PCDHA5: variants seen among roughly 807,000 people sequenced by gnomAD.
The protein encoded by PCDHA5 is protocadherin alpha 5.
PCDHA5 carries 43 observed loss-of-function variants against 61.6 expected under a neutral mutation model. The ratio of observed to expected loss-of-function variants is 0.70; its 90% CI spans 0.55 to 0.90. PCDHA5 has a LOEUF of 0.90. PCDHA5 is among the 40% of genes least tolerant of loss of function. The pLI, the probability that PCDHA5 is intolerant of heterozygous loss-of-function variation, is 0.00. For missense variants in PCDHA5, 1,298 were observed against 1,222.7 expected (o/e 1.06, Z -0.92); for synonymous variants, 627 against 543.9 (o/e 1.15, Z -2.13).
At chr5:140,883,913 G>T (rs782585121) in intron 1 of PCDHA5, 1 of 1,613,478 alleles carries the variant, frequency 6.2e-7, no homozygotes, top group South Asian at 1.1e-5. Context: ...GGGCAGCAAC[G>T]TGACGCTGCA....
At chr5:140,987,749 GT>G (rs1554249497) in intron 3 of PCDHA5, among the ~76,000 whole-genome samples, 1 of 152,142 alleles carries the variant, frequency 6.6e-6, no homozygotes, top group African/African-American at 2.4e-5. Context: ...GACCCAGGTT[GT>G]TCTGAGTATT....
At chr5:140,921,071 T>C (rs2080004942) in intron 1 of PCDHA5, among the ~76,000 whole-genome samples, 1 of 152,054 alleles carries the variant, frequency 6.6e-6, no homozygotes, top group Admixed American at 6.6e-5. Flanking sequence ...CCTTGAACTC[T>C]TGGGCTCAAG....
intron 3 of PCDHA5, among the ~76,000 whole-genome samples, chr5:140,985,179 C>T (rs1056430017): frequency 5.9e-5 from 9 of 152,132 alleles, no homozygotes; most frequent in African/African-American, 1.9e-4. Flanking sequence ...CCTCGTAATC[C>T]GCCTGCCTCG....
At chr5:140,996,926 T>C (rs569386997) in intron 3 of PCDHA5, among the ~76,000 whole-genome samples, 4 of 152,320 alleles carry the variant, frequency 2.6e-5, no homozygotes, top group Middle Eastern at 3.4e-3. Flanking sequence ...TTAAAAAATA[T>C]AGCATTTTTG....
chr5:140,890,543 CTGAG>C (rs1391853747), intron 1 of PCDHA5, among the ~76,000 whole-genome samples: 1 of 152,012 alleles, frequency 6.6e-6, no homozygotes, highest in African/African-American at 2.4e-5. Context: ...TTTGAAATGA[CTGAG>C]TACTTTTTAT....
At chr5:140,887,072 C>T (rs1270434147) in intron 1 of PCDHA5, among the ~76,000 whole-genome samples, 1 of 151,836 alleles carries the variant, frequency 6.6e-6, no homozygotes, top group African/African-American at 2.4e-5. Context: ...CAAATTCACT[C>T]AGCTTTTGTC....
chr5:140,864,928 T>C (rs2048657742), intron 1 of PCDHA5: 1 of 152,144 alleles, frequency 6.6e-6, no homozygotes, highest in Non-Finnish European at 1.5e-5. Flanking sequence ...CTTGGCAGGG[T>C]GTCTCAGGCC....
chr5:140,832,440 C>T (rs1771990436), intron 1 of PCDHA5, among the ~76,000 whole-genome samples: 1 of 152,038 alleles, frequency 6.6e-6, no homozygotes, highest in Non-Finnish European at 1.5e-5. Context: ...AATTTTTAAG[C>T]GTGTAATTAA....
intron 1 of PCDHA5, chr5:140,829,550 A>G: frequency 1.2e-6 from 2 of 1,612,876 alleles, no homozygotes; most frequent in African/African-American, 1.3e-5. Flanking sequence ...CGCGCAGGAG[A>G]ACGCGCTGGT....
At position 141,010,070 on chromosome 5, in the gene PCDHA5, C is replaced by A. The variant is rs1331011642; in HGVS notation, c.*133C>A. The A allele has an allele frequency of 3.7e-5, 60 of 1,605,422 alleles. No individual in the cohort carries two copies. Among genetic ancestry groups the A allele is most frequent in the Non-Finnish European group, 5.0e-5 (59 of 1,175,768 alleles). ...AGACCTCAGAAATCTGCAGAAAGTT[C>A]CCTGTGTCTGTCTAGAACGCATTTA... is the stretch of plus-strand genomic sequence containing the variant. On this transcript the variant is annotated 3_prime_UTR_variant, in exon 4 of 4. Coordinates refer to ENST00000529859, the MANE Select transcript of PCDHA5 (RefSeq NM_018908.3).
intron 1 of PCDHA5, among the ~76,000 whole-genome samples, chr5:140,826,499 A>G (rs1227877978): frequency 1.3e-5 from 2 of 152,186 alleles, no homozygotes; most frequent in Non-Finnish European, 2.9e-5. Flanking sequence ...TTTTGGAGTA[A>G]GGTGAAGATG....
At chr5:140,999,327 G>A (rs1554256745) in intron 3 of PCDHA5, among the ~76,000 whole-genome samples, 1 of 152,200 alleles carries the variant, frequency 6.6e-6, no homozygotes, top group Non-Finnish European at 1.5e-5. Context: ...ATTGATCTGT[G>A]TGATTTATAA....
rs193096250 is a variant in PCDHA5 at position 140,998,611 on chromosome 5, C to A, written c.2501-11016C>A. Among the ~76,000 whole-genome samples, 28 of 151,482 alleles carry A rather than the reference C, an allele frequency of 1.8e-4. No individual in the cohort carries two copies. The East Asian group carries it at 5.2e-3, about 28-fold the overall frequency. ...CAGAGTTTTGCTCTTGTTGCCCAGG[C>A]TGGAGTGCAATGGCACAATCTCAGC... On this transcript the variant is annotated intron_variant, in intron 3 of 3. Transcript: ENST00000529859.
intron 1 of PCDHA5, among the ~76,000 whole-genome samples, chr5:140,963,905 G>A (rs1326633249): frequency 6.6e-6 from 1 of 152,182 alleles, no homozygotes; most frequent in African/African-American, 2.4e-5. Flanking sequence ...TGAGTAAAGT[G>A]AAGCTTAGGC....
intron 1 of PCDHA5, chr5:140,849,848 C>G (rs1554143388): frequency 1.9e-6 from 3 of 1,598,430 alleles, no homozygotes; most frequent in African/African-American, 1.3e-5. Flanking sequence ...TGAACGACAA[C>G]GCACCAGCGT....
chr5:140,884,042 G>A (rs1554181105), intron 1 of PCDHA5: 4 of 1,613,464 alleles, frequency 2.5e-6, no homozygotes, highest in Non-Finnish European at 3.4e-6. Flanking sequence ...CCACGTGGTG[G>A]CGAAGGTGCG....
intron 3 of PCDHA5, among the ~76,000 whole-genome samples, chr5:141,007,208 A>G (rs1056049066): frequency 5.3e-5 from 8 of 152,060 alleles, no homozygotes; most frequent in African/African-American, 1.9e-4. Context: ...GGGCCAGAAT[A>G]TGCTGTCCCA....
chr5:140,884,002 C>A (rs1189374158), intron 1 of PCDHA5: 1 of 1,612,906 alleles, frequency 6.2e-7, no homozygotes, highest in Admixed American at 1.7e-5. Flanking sequence ...GCACAGTGAG[C>A]GAGCTGATGC....
At chr5:141,008,809 C>T (rs1397377778) in intron 3 of PCDHA5, among the ~76,000 whole-genome samples, 2 of 152,160 alleles carry the variant, frequency 1.3e-5, no homozygotes, top group African/African-American at 4.8e-5. Flanking sequence ...CAAATAGGCT[C>T]AATTTACAAC....
Sources: allele counts gnomAD v4.1 joint callset (sites outside exome capture counted in the v4.1 genomes callset), GRCh38; gene constraint gnomAD v4.1.1; transcripts MANE v1.5; gene names NCBI Gene and HGNC (gene_info 2026-07-23, HGNC 2026-07-21).